The following KCNK13 variants were observed in gnomAD, a reference collection of about 807,000 sequenced individuals.
KCNK13 encodes the protein potassium two pore domain channel subfamily K member 13.
In KCNK13, 12 loss-of-function variants were observed where a neutral mutation model predicts 23.4. That is an observed-to-expected ratio of 0.51 (90% confidence interval 0.33 to 0.83). The LOEUF (loss-of-function observed/expected upper bound fraction) is 0.83, where lower values mean the gene tolerates loss of function less well. Among genes scored for constraint, KCNK13 ranks in the 40% least tolerant of loss-of-function variants. KCNK13 has a pLI of 0.02. For missense variants in KCNK13, 463 were observed against 556.3 expected (o/e 0.83, Z 1.69); for synonymous variants, 231 against 229.5 (o/e 1.01, Z -0.06).
intron 1 of KCNK13, among the ~76,000 whole-genome samples, chr14:90,119,975 T>C (rs969551811): frequency 6.6e-6 from 1 of 152,190 alleles, no homozygotes; most frequent in African/African-American, 2.4e-5. Flanking sequence ...AGTAAACTTG[T>C]GTCACAGGAG....
At chr14:90,091,572 C>A (rs1404700152) in intron 1 of KCNK13, among the ~76,000 whole-genome samples, 1 of 152,126 alleles carries the variant, frequency 6.6e-6, no homozygotes, top group Non-Finnish European at 1.5e-5. Context: ...TGCCCAAAAG[C>A]CTGTTTCTGG....
chr14:90,148,735 C>A (rs1245739081), intron 1 of KCNK13, among the ~76,000 whole-genome samples: 1 of 152,160 alleles, frequency 6.6e-6, no homozygotes, highest in Non-Finnish European at 1.5e-5. Flanking sequence ...ATCGTATGAG[C>A]AGAAGGGTGC....
chr14:90,085,791 T>G (rs1177145988), intron 1 of KCNK13, among the ~76,000 whole-genome samples: 1 of 90,774 alleles, frequency 1.1e-5, no homozygotes, highest in Non-Finnish European at 2.2e-5. Flanking sequence ...ATATATTATA[T>G]ACTTTATATT....
chr14:90,181,684 C>T (rs1484588302), intron 1 of KCNK13, among the ~76,000 whole-genome samples: 1 of 152,190 alleles, frequency 6.6e-6, no homozygotes, highest in East Asian at 1.9e-4. Flanking sequence ...TGTAGCTCAG[C>T]TTTCTGAGAG....
intron 1 of KCNK13, among the ~76,000 whole-genome samples, chr14:90,151,250 T>G (rs1055025331): frequency 2.6e-4 from 39 of 152,234 alleles, no homozygotes; most frequent in African/African-American, 9.4e-4. Context: ...TTTTATTTTT[T>G]CACATTCCCA....
At chr14:90,139,178 AG>A (rs1889974021) in intron 1 of KCNK13, among the ~76,000 whole-genome samples, 1 of 152,158 alleles carries the variant, frequency 6.6e-6, no homozygotes. Flanking sequence ...AATACATGAG[AG>A]GTTATTTGAG....
intron 1 of KCNK13, among the ~76,000 whole-genome samples, chr14:90,111,122 A>G (rs1889611243): frequency 6.6e-6 from 1 of 152,130 alleles, no homozygotes; most frequent in African/African-American, 2.4e-5. Context: ...CCTTAAAGCC[A>G]CTAAGTTGAG....
At chr14:90,150,700 C>G (rs74486170) in intron 1 of KCNK13, among the ~76,000 whole-genome samples, 1 of 152,210 alleles carries the variant, frequency 6.6e-6, no homozygotes, top group African/African-American at 2.4e-5. Flanking sequence ...GTGTCTCTGC[C>G]CAAATCGCAA....
At chr14:90,166,186 T>C (rs34804804) in intron 1 of KCNK13, among the ~76,000 whole-genome samples, 42,638 of 152,214 alleles carry the variant, frequency 0.28, 7,699 homozygotes, top group Non-Finnish European at 0.42. Context: ...TTGTCAGAGA[T>C]GCTTTACTGT....
chr14:90,159,556 G>A (rs1353467947), intron 1 of KCNK13, among the ~76,000 whole-genome samples: 1 of 152,202 alleles, frequency 6.6e-6, no homozygotes, highest in Non-Finnish European at 1.5e-5. Context: ...GGTGTACAAT[G>A]GAAGACCCAA....
chr14:90,088,163 T>C, intron 1 of KCNK13, among the ~76,000 whole-genome samples: 1 of 151,974 alleles, frequency 6.6e-6, no homozygotes, highest in East Asian at 1.9e-4. Context: ...CCACCATGCC[T>C]GGCTAATTTT....
chr14:90,138,323 T>C (rs559758636), intron 1 of KCNK13, among the ~76,000 whole-genome samples: 32 of 152,340 alleles, frequency 2.1e-4, no homozygotes, highest in Middle Eastern at 3.4e-3. Flanking sequence ...CATACAGGTC[T>C]TTCTGTCCAT....
chr14:90,076,905 T>C (rs1215255581), intron 1 of KCNK13, among the ~76,000 whole-genome samples: 4 of 152,184 alleles, frequency 2.6e-5, no homozygotes, highest in Non-Finnish European at 4.4e-5. Context: ...CTGGAAGCTC[T>C]GCTTCCCGAG....
At chr14:90,115,832 C>T (rs961979175) in intron 1 of KCNK13, among the ~76,000 whole-genome samples, 2 of 152,208 alleles carry the variant, frequency 1.3e-5, no homozygotes, top group Non-Finnish European at 2.9e-5. Flanking sequence ...GTGGGTGGTG[C>T]CCAGGCATTG....
At chr14:90,163,309 G>T (rs1018742449) in intron 1 of KCNK13, among the ~76,000 whole-genome samples, 1 of 152,200 alleles carries the variant, frequency 6.6e-6, no homozygotes, top group Non-Finnish European at 1.5e-5. Context: ...ATTCATTTTA[G>T]AGCCTATTTT....
At chr14:90,164,107 C>G (rs1179603557) in intron 1 of KCNK13, among the ~76,000 whole-genome samples, 2 of 152,302 alleles carry the variant, frequency 1.3e-5, no homozygotes, top group South Asian at 4.1e-4. Context: ...AAAATAAATC[C>G]TAATGAATCA....
chr14:90,140,237 G>C (rs1268350789), intron 1 of KCNK13, among the ~76,000 whole-genome samples: 31 of 152,156 alleles, frequency 2.0e-4, no homozygotes. Flanking sequence ...GAGCCATCAT[G>C]CAAGGCTCCT....
At chr14:90,136,106 G>A (rs753449861) in intron 1 of KCNK13, among the ~76,000 whole-genome samples, 8 of 151,926 alleles carry the variant, frequency 5.3e-5, no homozygotes, top group Non-Finnish European at 1.5e-5. Context: ...AAGGAGATTG[G>A]GCTGGGAGTC....
intron 1 of KCNK13, among the ~76,000 whole-genome samples, chr14:90,131,717 C>G (rs1889876966): frequency 1.3e-5 from 2 of 152,202 alleles, no homozygotes. Context: ...TTTGTAGAGG[C>G]AGGGTATTGC....
Sources: allele counts gnomAD v4.1 joint callset (sites outside exome capture counted in the v4.1 genomes callset), GRCh38; gene constraint gnomAD v4.1.1; transcripts MANE v1.5; gene names NCBI Gene and HGNC (gene_info 2026-07-23, HGNC 2026-07-21).